The following NPAS3 variants were observed in gnomAD, a reference collection of about 807,000 sequenced individuals.
The protein encoded by NPAS3 is neuronal PAS domain protein 3, also known as neuronal PAS domain-containing protein 3.
Under a neutral mutation model 73.1 loss-of-function variants are expected in NPAS3, and 14 were observed. That is an observed-to-expected ratio of 0.19 (90% CI 0.13 to 0.30). The LOEUF (loss-of-function observed/expected upper bound fraction) is 0.30, where lower values mean the gene tolerates loss of function less well. NPAS3 is among the 10% of genes least tolerant of loss of function. The probability of loss-of-function intolerance (pLI) is 1.00; values close to 1 mark genes in which losing one functional copy is unlikely to be tolerated. For synonymous variants in NPAS3, 620 were observed against 541.5 expected, an observed-to-expected ratio of 1.14 and a Z score of -2.01; for missense variants, 1,096 against 1,250.0, an observed-to-expected ratio of 0.88 and a Z score of 1.86.
chr14:33,219,931 G>A (rs1039096426), intron 3 of NPAS3, among the ~76,000 whole-genome samples: 2 of 152,106 alleles, frequency 1.3e-5, no homozygotes, highest in Non-Finnish European at 2.9e-5. Context: ...TGCTGTTGTG[G>A]CATTTTCCTG....
chr14:33,652,209 T>C (rs990334759), intron 5 of NPAS3, among the ~76,000 whole-genome samples: 9 of 152,194 alleles, frequency 5.9e-5, no homozygotes, highest in Non-Finnish European at 4.4e-5. Flanking sequence ...TCCTTATATT[T>C]TGTTGTAATG....
At chr14:33,601,374 C>G (rs2057394160) in intron 5 of NPAS3, among the ~76,000 whole-genome samples, 1 of 152,244 alleles carries the variant, frequency 6.6e-6, no homozygotes. Flanking sequence ...GAACACAGCC[C>G]TTGATTCACT....
intron 10 of NPAS3, among the ~76,000 whole-genome samples, chr14:33,795,987 A>C (rs1193436576): frequency 1.3e-5 from 2 of 152,206 alleles, no homozygotes; most frequent in African/African-American, 2.4e-5. Context: ...TTGTAGGGCA[A>C]GTGATCTGTG....
At chr14:33,470,845 T>C (rs145303305) in intron 4 of NPAS3, among the ~76,000 whole-genome samples, 74 of 151,970 alleles carry the variant, frequency 4.9e-4, no homozygotes, top group African/African-American at 1.7e-3. Context: ...TTCAGAGATA[T>C]TCTATTTACT....
intron 4 of NPAS3, among the ~76,000 whole-genome samples, chr14:33,517,098 C>A (rs1271237183): frequency 6.6e-6 from 1 of 152,050 alleles, no homozygotes; most frequent in African/African-American, 2.4e-5. Flanking sequence ...TAGGTATTCA[C>A]TATTGGCATC....
Position 33,132,404 on chromosome 14 carries a change from T to C in NPAS3, c.140+76410T>C, listed in dbSNP as rs139203241. 2.4e-3 allele frequency among the ~76,000 whole-genome samples: 367 copies of C among 152,208 alleles called. 1 individual carries two copies. Among genetic ancestry groups the C allele is most frequent in the African/African-American group, 8.6e-3 (356 of 41,546 alleles). ...GATTTTCGAGTTGTCTGTGTACTTG[T>C]AGGAAGAGACTAGAAGTCTTATATT... On this transcript the variant is annotated intron_variant, in intron 2 of 11. Coordinates refer to ENST00000356141, the Ensembl canonical transcript of NPAS3.
intron 1 of NPAS3, among the ~76,000 whole-genome samples, chr14:32,957,104 G>A (rs1418441903): frequency 6.6e-6 from 1 of 152,172 alleles, no homozygotes; most frequent in African/African-American, 2.4e-5. Flanking sequence ...GGTCTTCTAT[G>A]TTCAGTGTCT....
At chr14:33,178,566 G>T (rs2045682752) in intron 2 of NPAS3, among the ~76,000 whole-genome samples, 1 of 152,022 alleles carries the variant, frequency 6.6e-6, no homozygotes, top group Admixed American at 6.6e-5. Context: ...TTATTTCTAG[G>T]TATTCTTTTA....
At chr14:33,351,596 C>T (rs930094279) in intron 3 of NPAS3, among the ~76,000 whole-genome samples, 4 of 152,148 alleles carry the variant, frequency 2.6e-5, no homozygotes, top group Non-Finnish European at 5.9e-5. Context: ...TGTATGTACA[C>T]GTAAGTGTAA....
chr14:33,356,405 T>C (rs1215930711), intron 3 of NPAS3, among the ~76,000 whole-genome samples: 2 of 152,246 alleles, frequency 1.3e-5, no homozygotes, highest in Admixed American at 6.5e-5. Flanking sequence ...CCTCCCTCTG[T>C]CTGCATTTAG....
intron 4 of NPAS3, among the ~76,000 whole-genome samples, chr14:33,457,183 A>G (rs2050060979): frequency 6.6e-6 from 1 of 152,244 alleles, no homozygotes; most frequent in Non-Finnish European, 1.5e-5. Context: ...CTCTCAGCAT[A>G]GGAAAAAGTG....
intron 3 of NPAS3, among the ~76,000 whole-genome samples, chr14:33,333,359 C>A (rs577503737): frequency 1.4e-4 from 21 of 152,264 alleles, no homozygotes; most frequent in Non-Finnish European, 2.6e-4. Flanking sequence ...TGATACTTTT[C>A]TTTTGCTCTT....
chr14:32,981,374 GACT>G lies in NPAS3; in HGVS notation c.50+42012_50+42014del, dbSNP rs538217906. ...TTTGTAAATGGAACATGCATCTTGA[GACT>G]ACTTTATAGACAGTGATCTTTGAGT... On this transcript the variant is annotated intron_variant, in intron 1 of 11. Transcript: ENST00000356141. Among the ~76,000 whole-genome samples the G allele has an allele frequency of 1.3e-4, 20 of 152,252 alleles. No homozygotes were observed. The South Asian group carries it at 3.7e-3, about 28-fold the overall frequency.
At chr14:33,666,929 T>C (rs1000861219) in intron 5 of NPAS3, among the ~76,000 whole-genome samples, 7 of 152,228 alleles carry the variant, frequency 4.6e-5, no homozygotes, top group African/African-American at 1.7e-4. Flanking sequence ...ACTCCAAGGA[T>C]TCTTGCTTCT....
intron 4 of NPAS3, among the ~76,000 whole-genome samples, chr14:33,452,566 A>G (rs1210135892): frequency 6.6e-6 from 1 of 151,824 alleles, no homozygotes; most frequent in Non-Finnish European, 1.5e-5. Context: ...AGGTCAGGAG[A>G]TCAAGACCAT....
chr14:33,520,254 G>A (rs2053496883), intron 4 of NPAS3, among the ~76,000 whole-genome samples: 1 of 152,106 alleles, frequency 6.6e-6, no homozygotes, highest in Non-Finnish European at 1.5e-5. Flanking sequence ...TGCCTCAGAG[G>A]AGGCTACGTT....
intron 4 of NPAS3, among the ~76,000 whole-genome samples, chr14:33,392,915 C>G (rs2047069590): frequency 6.6e-6 from 1 of 152,066 alleles, no homozygotes; most frequent in African/African-American, 2.4e-5. Flanking sequence ...CTCTCATGGC[C>G]ATGGCTATGG....
At chr14:33,240,017 C>T (rs1369754261) in intron 3 of NPAS3, among the ~76,000 whole-genome samples, 2 of 151,748 alleles carry the variant, frequency 1.3e-5, no homozygotes, top group Admixed American at 6.6e-5. Flanking sequence ...GCTTAATGGT[C>T]AAAGCACTAC....
chr14:33,123,970 C>G (rs960811323), intron 2 of NPAS3, among the ~76,000 whole-genome samples: 6 of 149,796 alleles, frequency 4.0e-5, no homozygotes, highest in African/African-American at 1.5e-4. Flanking sequence ...AGGTTGTTCT[C>G]GTGCCTCAGC....
Sources: gnomAD v4.1 joint callset for allele counts (sites outside exome capture counted in the v4.1 genomes callset) on GRCh38, gnomAD v4.1.1 for gene constraint, MANE v1.5 for transcripts, NCBI Gene and HGNC (gene_info 2026-07-23, HGNC 2026-07-21) for gene names.